Variants in UBTD1 observed in about 807,000 individuals in gnomAD.
UBTD1 encodes the protein ubiquitin domain containing 1, also known as ubiquitin domain-containing protein 1.
Under a neutral mutation model 21.7 loss-of-function variants are expected in UBTD1, and 19 were observed. The observed-to-expected ratio is 0.87, with a 90% CI of 0.61 to 1.28. UBTD1 has a LOEUF of 1.28. UBTD1 is among the 50% of genes most tolerant of loss of function. UBTD1 has a pLI of 0.00. For missense variants in UBTD1, 282 were observed against 315.1 expected, an observed-to-expected ratio of 0.89 and a Z score of 0.80; for synonymous variants, 116 against 135.1, an observed-to-expected ratio of 0.86 and a Z score of 0.98.
chr10:97,524,448 C>T (rs1029602839), intron 1 of UBTD1, among the ~76,000 whole-genome samples: 16 of 152,152 alleles, frequency 1.1e-4, no homozygotes, highest in Non-Finnish European at 2.2e-4. Flanking sequence ...CTTCTAGCCC[C>T]CTCTTCCTGA....
At chr10:97,546,447 G>A (rs1345374515) in intron 1 of UBTD1, among the ~76,000 whole-genome samples, 2 of 151,858 alleles carry the variant, frequency 1.3e-5, no homozygotes, top group African/African-American at 2.4e-5. Context: ...AAAATTAGCC[G>A]AATGTCGTGG....
At chr10:97,553,276 C>A (rs2040649044) in intron 1 of UBTD1, among the ~76,000 whole-genome samples, 1 of 152,180 alleles carries the variant, frequency 6.6e-6, no homozygotes, top group Non-Finnish European at 1.5e-5. Flanking sequence ...GGATTACAGG[C>A]ATGTGCCACC....
chr10:97,529,662 G>T (rs2040518386), intron 1 of UBTD1, among the ~76,000 whole-genome samples: 2 of 152,176 alleles, frequency 1.3e-5, no homozygotes, highest in South Asian at 2.1e-4. Context: ...GGAGAATCAG[G>T]CAGGGAGGTT....
intron 1 of UBTD1, among the ~76,000 whole-genome samples, chr10:97,556,429 C>T (rs987305348): frequency 6.6e-6 from 1 of 152,188 alleles, no homozygotes; most frequent in Non-Finnish European, 1.5e-5. Context: ...AGTCTCTTGC[C>T]AGGCAAGAAC....
chr10:97,525,900 C>T (rs958155783), intron 1 of UBTD1, among the ~76,000 whole-genome samples: 3 of 152,170 alleles, frequency 2.0e-5, no homozygotes, highest in African/African-American at 4.8e-5. Flanking sequence ...TTTGGAAAGA[C>T]TTGATTTCCA....
intron 1 of UBTD1, among the ~76,000 whole-genome samples, chr10:97,551,278 G>A (rs2135680783): frequency 6.6e-6 from 1 of 152,088 alleles, no homozygotes; most frequent in Admixed American, 6.5e-5. Context: ...GCTCACACCT[G>A]TAATCCTAGC....
chr10:97,558,426 T>C (rs927019060), intron 1 of UBTD1, among the ~76,000 whole-genome samples: 22 of 152,234 alleles, frequency 1.4e-4, no homozygotes, highest in African/African-American at 5.1e-4. Context: ...GCTTATCTGC[T>C]TCTTGTGCTA....
chr10:97,524,284 T>TTG (rs1554864920), intron 1 of UBTD1, among the ~76,000 whole-genome samples: 5 of 140,838 alleles, frequency 3.6e-5, no homozygotes, highest in African/African-American at 1.3e-4. Flanking sequence ...TTTGTAGGGA[T>TTG]GCGGGGGGGT....
At chr10:97,514,022 T>TTC (rs1394598034) in intron 1 of UBTD1, among the ~76,000 whole-genome samples, 1 of 151,860 alleles carries the variant, frequency 6.6e-6, no homozygotes, top group African/African-American at 2.4e-5. Flanking sequence ...TTTCTTTTTT[T>TTC]TTTTTTAAAG....
chr10:97,551,257 C>T (rs1214122915), intron 1 of UBTD1, among the ~76,000 whole-genome samples: 1 of 152,024 alleles, frequency 6.6e-6, no homozygotes. Context: ...AAATGTTGGC[C>T]AGGCATGGTG....
Position 97,542,111 on chromosome 10 carries a change from G to A in UBTD1, c.71-25803G>A, listed in dbSNP as rs145812919. ...GTCTTCCCTCCCAGCTCCGCCCCTC[G>A]CTAATAAGTTCCTGAAGCAGCTGTG... On this transcript the variant is annotated intron_variant, in intron 1 of 2. Transcript: ENST00000370664. Among the ~76,000 whole-genome samples the A allele has an allele frequency of 5.1e-3, 770 of 152,226 alleles. 8 individuals are homozygous for A. The highest frequency in any genetic ancestry group is 0.017 in the African/African-American group (722 of 41,540).
chr10:97,564,647 T>A lies in UBTD1; in HGVS notation c.71-3267T>A, dbSNP rs972525541. Among the ~76,000 whole-genome samples, 26 of 152,208 alleles carry A rather than the reference T, an allele frequency of 1.7e-4. 1 individual carries two copies. Among genetic ancestry groups the A allele is most frequent in the Admixed American group, 1.3e-3 (20 of 15,282 alleles). ...GGCACGATCTCAGCTCACTGCAACC[T>A]CAGCCTCCCAAGTTCAAGTGATTCT... On this transcript the variant is annotated intron_variant, in intron 1 of 2. Coordinates refer to ENST00000370664, the MANE Select transcript of UBTD1 (RefSeq NM_024954.5).
intron 1 of UBTD1, among the ~76,000 whole-genome samples, chr10:97,509,817 A>AT (rs2040415158): frequency 2.0e-5 from 3 of 151,424 alleles, no homozygotes; most frequent in Non-Finnish European, 2.9e-5. Flanking sequence ...CACTCAGCTA[A>AT]TTTTTTTGTA....
At chr10:97,503,566 G>T (rs1264976849) in intron 1 of UBTD1, among the ~76,000 whole-genome samples, 2 of 152,184 alleles carry the variant, frequency 1.3e-5, no homozygotes, top group Non-Finnish European at 2.9e-5. Context: ...TCAAGCTCGG[G>T]GTGGACAGAC....
intron 1 of UBTD1, among the ~76,000 whole-genome samples, chr10:97,510,583 A>T (rs2040419481): frequency 6.6e-6 from 1 of 152,142 alleles, no homozygotes; most frequent in African/African-American, 2.4e-5. Flanking sequence ...AGTAAGCATT[A>T]GTTATTATTT....
intron 1 of UBTD1, among the ~76,000 whole-genome samples, chr10:97,528,876 G>A (rs1210978096): frequency 1.3e-5 from 2 of 148,716 alleles, no homozygotes; most frequent in African/African-American, 4.9e-5. Context: ...CTCCCGGATG[G>A]GGCGGCTGGC....
intron 1 of UBTD1, among the ~76,000 whole-genome samples, chr10:97,520,858 G>A (rs1267119872): frequency 2.6e-5 from 4 of 152,186 alleles, no homozygotes; most frequent in Admixed American, 2.6e-4. Context: ...GAGAGAGGCC[G>A]TGTCCAGGAC....
chr10:97,519,039 C>T (rs1163963028), intron 1 of UBTD1, among the ~76,000 whole-genome samples: 1 of 152,222 alleles, frequency 6.6e-6, no homozygotes, highest in Non-Finnish European at 1.5e-5. Flanking sequence ...CTGTATCAGT[C>T]TGACTCCCAG....
At chr10:97,517,035 A>G (rs996625602) in intron 1 of UBTD1, among the ~76,000 whole-genome samples, 1 of 152,174 alleles carries the variant, frequency 6.6e-6, no homozygotes, top group African/African-American at 2.4e-5. Context: ...CTGGACTCCA[A>G]GGATGACAGG....
Sources: allele counts gnomAD v4.1 joint callset (sites outside exome capture counted in the v4.1 genomes callset), GRCh38; gene constraint gnomAD v4.1.1; transcripts MANE v1.5; gene names NCBI Gene and HGNC (gene_info 2026-07-23, HGNC 2026-07-21).